Variants in ABCA5 observed in about 807,000 individuals in gnomAD.
ABCA5 encodes the protein cholesterol transporter ABCA5.
A neutral mutation model predicts 206.0 loss-of-function variants in ABCA5; 163 were observed. The observed-to-expected ratio is 0.79, with a 90% CI of 0.70 to 0.90. The LOEUF is 0.90. Ranked by LOEUF, ABCA5 falls within the 40% of genes least tolerant of loss-of-function variation. The pLI is 0.00. For synonymous variants in ABCA5, 609 were observed against 613.8 expected, an observed-to-expected ratio of 0.99 and a Z score of 0.11; for missense variants, 1,859 against 1,912.9, an observed-to-expected ratio of 0.97 and a Z score of 0.53.
intron 34 of ABCA5, among the ~76,000 whole-genome samples, chr17:69,252,836 CAAA>C (rs34161698): frequency 2.0e-4 from 19 of 96,992 alleles, no homozygotes; most frequent in Non-Finnish European, 1.4e-4. Flanking sequence ...GACTCTGACT[CAAA>C]AAAAAAAAAA....
Position 69,264,828 on chromosome 17 carries a change from GA to G in ABCA5, c.3221del (p.Ile1074ThrfsTer10). 1 of 1,599,742 alleles carries G rather than the reference GA, an allele frequency of 6.3e-7. No homozygotes were observed. The highest frequency in any genetic ancestry group is 1.1e-5 in the South Asian group (1 of 87,800). On this transcript the variant is annotated frameshift_variant, in exon 24 of 39. Coordinates refer to ENST00000392676, the MANE Select transcript of ABCA5 (RefSeq NM_172232.4). LOFTEE classifies it high-confidence loss of function. ...AYWIGQAVVDIPLFFIILILM... is the reference protein window; with the variant it reads ...AYWIGQAVVDXPLFFIILILM... ...AAATAAGAATGATAAAAAATAAGGG[GA>G]TATCAACAACAGCTTGTCCAATCCA...
In ABCA5 at chr17:69,291,302, C is replaced by A. The variant is rs1301932763; in HGVS notation, c.1520G>T (p.Gly507Val). The A allele has an allele frequency of 6.2e-7, 1 of 1,608,262 alleles. No individual in the cohort carries two copies. Among genetic ancestry groups the A allele is most frequent in the Non-Finnish European group, 8.5e-7 (1 of 1,176,118 alleles). ...LRNLSFDIYE[G>V]QITALLGHSG... The stretch of plus-strand genomic sequence containing the variant: ...GTGGCCAAGTAAGGCAGTAATCTGA[C>A]CCTCATATATGTCAAATGACAAATC... The change falls in exon 12 of 39, where the codon GGT (glycine) becomes GTT (valine). Residue 507 changes from glycine to valine, a missense_variant. Gly to Val is a moderately radical substitution (Grantham distance 109, BLOSUM62 -3). Transcript: ENST00000392676.
Position 69,248,300 on chromosome 17 carries a change from TG to T in ABCA5, c.4782del (p.Ile1595LeufsTer16). 6.4e-7 allele frequency: 1 copy of T among 1,568,982 alleles called. No individual in the cohort carries two copies. Among genetic ancestry groups the T allele is most frequent in the Non-Finnish European group, 8.7e-7 (1 of 1,148,908 alleles). ...FKLEEAKHAF[A>X]IEEYSFSQAT... ...GCTTGAGAAAAGCTATATTCTTCAA[TG>T]GCAAAAGCATGTTTAGCTATTAAAA... On this transcript the variant is annotated frameshift_variant, in exon 38 of 39. Coordinates refer to ENST00000392676, the MANE Select transcript of ABCA5 (RefSeq NM_172232.4). LOFTEE classifies it high-confidence loss of function.
intron 20 of ABCA5, among the ~76,000 whole-genome samples, chr17:69,271,685 A>G (rs1187654275): frequency 6.6e-6 from 1 of 151,244 alleles, no homozygotes; most frequent in Non-Finnish European, 1.5e-5. Flanking sequence ...TGCTACAACT[A>G]TTATTAACAT....
Position 69,248,292 on chromosome 17 carries a change from T to C in ABCA5, c.4791A>G (p.Glu1597=). 6.4e-7 allele frequency: 1 copy of C among 1,566,622 alleles called. No individual in the cohort carries two copies. Among genetic ancestry groups the C allele is most frequent in the Non-Finnish European group, 8.7e-7 (1 of 1,146,710 alleles). The change falls in exon 38 of 39, where the codon GAA becomes GAG. Residue 1597 remains glutamate, a synonymous_variant. Transcript: ENST00000392676. Reference sequence around the variant, plus strand: ...CCAATGTTGCTTGAGAAAAGCTATATTCTTCAATGGCAAAAGCATGTTTAG... The same window carrying C: ...CCAATGTTGCTTGAGAAAAGCTATACTCTTCAATGGCAAAAGCATGTTTAG... ...EEAKHAFAIE[E]YSFSQATLEQ... is the part of the protein sequence containing the mutation.
intron 9 of ABCA5, among the ~76,000 whole-genome samples, chr17:69,300,758 G>A (rs760754799): frequency 6.6e-5 from 10 of 152,120 alleles, no homozygotes; most frequent in Admixed American, 1.3e-4. Context: ...ATCTACAGGA[G>A]TTTGCTATAT....
intron 6 of ABCA5, among the ~76,000 whole-genome samples, chr17:69,305,022 A>G (rs2075702454): frequency 6.6e-6 from 1 of 152,208 alleles, no homozygotes; most frequent in African/African-American, 2.4e-5. Context: ...GTAATCTGAT[A>G]AAAAATACTA....
intron 2 of ABCA5, 149 bp downstream of exon 2, chr17:69,314,165 T>C: frequency 2.6e-6 from 1 of 381,682 alleles, no homozygotes; most frequent in Non-Finnish European, 4.6e-6. Flanking sequence ...TATTTTTCTG[T>C]GGCTAACATG....
chr17:69,270,775 T>A, intron 21 of ABCA5, 25 bp from the exon 22 acceptor site: 2 of 1,515,596 alleles, frequency 1.3e-6, no homozygotes, highest in East Asian at 2.4e-5. Flanking sequence ...AAGACACTTA[T>A]TACATACTGT....
chr17:69,261,664 TG>T lies in ABCA5; in HGVS notation c.3399del (p.Glu1135AsnfsTer20). 1 of 1,470,268 alleles carries T rather than the reference TG, an allele frequency of 6.8e-7. No homozygotes were observed. Among genetic ancestry groups the T allele is most frequent in the Non-Finnish European group, 9.2e-7 (1 of 1,085,990 alleles). The allele number at this position is 1,470,268 out of a possible 1,614,324, so 91.1% of individuals were successfully genotyped here. ...GAATAGATAAATGACCAAAATTCTT[TG>T]GTATTTAAAATTTTCTTAAAGGTGA... ...ASFTFKKILN[T>X]KEFWSFIYSV... On this transcript the variant is annotated frameshift_variant, in exon 25 of 39. Coordinates refer to ENST00000392676, the MANE Select transcript of ABCA5 (RefSeq NM_172232.4). LOFTEE classifies it high-confidence loss of function.
chr17:69,255,909 C>T, intron 29 of ABCA5, 59 bp from the exon 30 acceptor site: 3 of 1,352,292 alleles, frequency 2.2e-6, no homozygotes, highest in Non-Finnish European at 3.0e-6. Flanking sequence ...AAATGACAGG[C>T]TGCACATACC....
chr17:69,262,337 T>C (rs2075157737), intron 24 of ABCA5, among the ~76,000 whole-genome samples: 1 of 152,166 alleles, frequency 6.6e-6, no homozygotes, highest in South Asian at 2.1e-4. Flanking sequence ...GTCACCTAGG[T>C]ACTGGACACA....
At chr17:69,294,139 A>C (rs1212226932) in intron 11 of ABCA5, among the ~76,000 whole-genome samples, 1 of 152,212 alleles carries the variant, frequency 6.6e-6, no homozygotes, top group Non-Finnish European at 1.5e-5. Context: ...AGTATTTTTC[A>C]TTTTAATAGA....
At chr17:69,254,277 T>G (rs780111459) in intron 32 of ABCA5, 38 bp downstream of exon 32, 1 of 1,523,180 alleles carries the variant, frequency 6.6e-7, no homozygotes, top group Non-Finnish European at 8.9e-7. Context: ...AAACCTTTCC[T>G]CTAAGTAACA....
Position 69,247,478 on chromosome 17 carries a change from A to C in ABCA5, c.*59T>G. On this transcript the variant is annotated 3_prime_UTR_variant, in exon 39 of 39. Coordinates refer to ENST00000392676, the MANE Select transcript of ABCA5 (RefSeq NM_172232.4). ...ATTCCAATAAAAAACTTTTTAAACCAAAGTTAAAATTAAGTGAAAAAGAAA... is the reference window on the plus strand; with the variant it reads ...ATTCCAATAAAAAACTTTTTAAACCCAAGTTAAAATTAAGTGAAAAAGAAA... The C allele has an allele frequency of 5.5e-6, 7 of 1,265,208 alleles. No individual in the cohort carries two copies. Among genetic ancestry groups the C allele is most frequent in the Non-Finnish European group, 7.7e-6 (7 of 908,858 alleles). 78.4% of individuals were successfully genotyped at this position (1,265,208 alleles called of 1,614,324 possible).
chr17:69,297,590 A>G lies in ABCA5; in HGVS notation c.1268-231T>C, dbSNP rs557706879. The stretch of plus-strand genomic sequence containing the variant: ...ATTGTATTAAATCAATATTGTATGA[A>G]TCAAAGTTTTATTGATAAATAATTC... On this transcript the variant is annotated intron_variant, in intron 9 of 38. Transcript: ENST00000392676. Among the ~76,000 whole-genome samples the G allele has an allele frequency of 2.1e-4, 32 of 152,350 alleles. 1 individual carries two copies. The highest frequency in any genetic ancestry group is 1.2e-4 in the Non-Finnish European group (8 of 68,040).
chr17:69,308,325 T>C lies in ABCA5; in HGVS notation c.513A>G (p.Ser171=), dbSNP rs1372902497. ...KSCEAAQYWS[S]GFTVLQASID... ...TGGATGCTTGTAAAACTGTGAAACC[T>C]GAGGACCAGTACTGAGCAGCCTCAC... The change falls in exon 5 of 39, where the codon TCA becomes TCG. Residue 171 remains serine, a synonymous_variant. Transcript: ENST00000392676. 2 of 1,611,944 alleles carry C rather than the reference T, an allele frequency of 1.2e-6. No homozygotes were observed. The highest frequency in any genetic ancestry group is 2.7e-5 in the African/African-American group (2 of 74,870).
intron 23 of ABCA5, among the ~76,000 whole-genome samples, chr17:69,266,362 C>T (rs576637106): frequency 1.3e-5 from 2 of 151,994 alleles, no homozygotes; most frequent in African/African-American, 2.4e-5. Flanking sequence ...TATAATTTTA[C>T]GAGATGTTAT....
intron 22 of ABCA5, 63 bp from the exon 23 acceptor site, chr17:69,268,119 T>C: frequency 7.1e-6 from 4 of 563,602 alleles, no homozygotes; most frequent in Non-Finnish European, 1.2e-5. Flanking sequence ...AAGATATATC[T>C]TAGGATATAT....
Sources: allele counts gnomAD v4.1 joint callset (sites outside exome capture counted in the v4.1 genomes callset), GRCh38; gene constraint gnomAD v4.1.1; transcripts MANE v1.5; gene names NCBI Gene and HGNC (gene_info 2026-07-23, HGNC 2026-07-21).